Variants in TRIM49 observed in about 807,000 individuals in gnomAD.
TRIM49 encodes the protein tripartite motif-containing protein 49.
Under a neutral mutation model 27.4 loss-of-function variants are expected in TRIM49, and 5 were observed. That is an observed-to-expected ratio of 0.18 (90% CI 0.10 to 0.38). The LOEUF (loss-of-function observed/expected upper bound fraction) is 0.38. Among genes scored for constraint, TRIM49 ranks in the 10% least tolerant of loss-of-function variants. The pLI is 1.00. For synonymous variants in TRIM49, 69 were observed against 166.0 expected, an observed-to-expected ratio of 0.42 and a Z score of 4.49; for missense variants, 188 against 487.5, an observed-to-expected ratio of 0.39 and a Z score of 5.79.
At chr11:89,772,555 AT>A in the TRIM49 span, among the ~76,000 whole-genome samples, 1 of 129,014 alleles carries the variant, frequency 7.8e-6, no homozygotes. Flanking sequence ...TACCATGCTT[AT>A]TGATATTTTA....
At chr11:89,770,900 T>C in the TRIM49 span, among the ~76,000 whole-genome samples, 2 of 134,240 alleles carry the variant, frequency 1.5e-5, 1 homozygote, top group African/African-American at 6.3e-5. Context: ...AAATCAATTT[T>C]TGTCTATGAT....
the TRIM49 span, among the ~76,000 whole-genome samples, chr11:89,783,785 C>G: frequency 6.8e-6 from 1 of 146,026 alleles, no homozygotes; most frequent in African/African-American, 2.7e-5. Context: ...GGCTTACCTG[C>G]TCTAACAAAG....
At chr11:89,770,541 T>C in the TRIM49 span, among the ~76,000 whole-genome samples, 1 of 142,678 alleles carries the variant, frequency 7.0e-6, no homozygotes, top group Non-Finnish European at 1.5e-5. Flanking sequence ...TTCTATACTA[T>C]GTCTTTTCTG....
chr11:89,802,471 C>T (rs1949746006), intron 4 of TRIM49, among the ~76,000 whole-genome samples: 1 of 150,868 alleles, frequency 6.6e-6, no homozygotes, highest in South Asian at 2.1e-4. Context: ...CAGTCTGAAA[C>T]ATAGACTTCT....
downstream of TRIM49, among the ~76,000 whole-genome samples, chr11:89,797,439 C>T (rs1213568846): frequency 2.7e-5 from 4 of 146,538 alleles, no homozygotes; most frequent in Non-Finnish European, 6.0e-5. Flanking sequence ...TATCAGGTTC[C>T]CCTTCCTTTC....
chr11:89,803,599 T>C, intron 4 of TRIM49, 99 bp downstream of exon 4: 1 of 1,428,744 alleles, frequency 7.0e-7, no homozygotes, highest in Non-Finnish European at 9.4e-7. Flanking sequence ...TTTTACTGTA[T>C]CCCAGAAACA....
chr11:89,775,652 A>G, the TRIM49 span, among the ~76,000 whole-genome samples: 2 of 134,074 alleles, frequency 1.5e-5, no homozygotes, highest in Non-Finnish European at 3.0e-5. Flanking sequence ...AATATTGGCT[A>G]TTTCAGAATG....
At chr11:89,777,189 C>A in the TRIM49 span, 1 of 1,548,754 alleles carries the variant, frequency 6.5e-7, no homozygotes, top group African/African-American at 1.4e-5. Flanking sequence ...ATGTGGTACT[C>A]AAAAAGCTGT....
At chr11:89,787,537 C>T in the TRIM49 span, 2 of 632,508 alleles carry the variant, frequency 3.2e-6, no homozygotes, top group South Asian at 2.1e-5. Context: ...TGCCGGGGTC[C>T]TGGGGCTCTG....
chr11:89,782,042 A>G, the TRIM49 span: 1 of 1,528,720 alleles, frequency 6.5e-7, no homozygotes, highest in East Asian at 2.6e-5. Context: ...CACCTCCGGC[A>G]AGCATTACTG....
chr11:89,798,573 A>G lies in TRIM49; in HGVS notation c.916T>C (p.Leu306=), dbSNP rs1400950125. 9.0e-6 allele frequency: 14 copies of G among 1,553,820 alleles called. 1 individual carries two copies. Among genetic ancestry groups the G allele is most frequent in the Non-Finnish European group, 1.2e-5 (14 of 1,156,672 alleles). The change falls in exon 8 of 8, where the codon TTG becomes CTG. Residue 306 remains leucine (L), a synonymous_variant. Transcript: ENST00000329758. ...ANNDIFLYEI[L]RSMCIGCDHQ... is the part of the protein sequence containing the mutation. Reference sequence around the variant, plus strand: ...TCACATCCAATACACATGCTTCTCAAAATTTCATACAGAAAGATATCATTG... The same window carrying G: ...TCACATCCAATACACATGCTTCTCAGAATTTCATACAGAAAGATATCATTG...
In TRIM49 at chr11:89,804,334, T is replaced by C. The variant is rs1190898521; in HGVS notation, c.136A>G (p.Ile46Val). The C allele has an allele frequency of 6.2e-7, 1 of 1,611,600 alleles. No individual in the cohort carries two copies. Among genetic ancestry groups the C allele is most frequent in the Admixed American group, 1.7e-5 (1 of 59,944 alleles). The change falls in exon 3 of 8, where the codon ATC becomes GTC. Residue 46 changes from isoleucine (I) to valine (V), a missense_variant. Transcript: ENST00000329758. The stretch of plus-strand genomic sequence containing the variant: ...TCAGAGCACTGGACAAGAAATGGGA[T>C]GTCTTGCCAGTTGAGGTAGAAACAA... ...RPCFYLNWQDIPFLVQCSECT... is the reference protein window; with the variant it reads ...RPCFYLNWQDVPFLVQCSECT...
At chr11:89,773,942 A>G in the TRIM49 span, among the ~76,000 whole-genome samples, 6 of 136,268 alleles carry the variant, frequency 4.4e-5, 1 homozygote, top group East Asian at 1.0e-3. Flanking sequence ...GTCTCAAAAG[A>G]AAAAAAAAGT....
At chr11:89,807,532 A>G (rs1465808296) in intron 1 of TRIM49, among the ~76,000 whole-genome samples, 2 of 150,752 alleles carry the variant, frequency 1.3e-5, no homozygotes, top group Non-Finnish European at 3.0e-5. Flanking sequence ...TCCATGATAC[A>G]GGCATTCCTC....
At chr11:89,768,830 C>T in the TRIM49 span, 1 of 502,814 alleles carries the variant, frequency 2.0e-6, no homozygotes, top group Admixed American at 2.0e-5. Flanking sequence ...ACCATGTCTC[C>T]CAAATCCTGG....
At chr11:89,790,538 C>T in the TRIM49 span, among the ~76,000 whole-genome samples, 1 of 151,982 alleles carries the variant, frequency 6.6e-6, no homozygotes, top group Non-Finnish European at 1.5e-5. Context: ...CCACTTACTC[C>T]TCTGAGACGA....
the TRIM49 span, chr11:89,776,962 TTTTTTAA>T: frequency 6.6e-7 from 1 of 1,515,446 alleles, no homozygotes. Flanking sequence ...TCACTTTTTT[TTTTTTAA>T]TTTTCAGAAA....
chr11:89,782,090 G>A, the TRIM49 span: 13 of 1,549,772 alleles, frequency 8.4e-6, no homozygotes, highest in African/African-American at 4.1e-5. Context: ...CTGGATTCTG[G>A]GAGTCTGTCG....
downstream of TRIM49, among the ~76,000 whole-genome samples, chr11:89,796,832 T>C (rs1949693243): frequency 6.6e-6 from 1 of 152,030 alleles, no homozygotes; most frequent in Non-Finnish European, 1.5e-5. Context: ...GAAGAATATT[T>C]TGGGTCTAAT....
Sources: allele counts gnomAD v4.1 joint callset (sites outside exome capture counted in the v4.1 genomes callset), GRCh38; gene constraint gnomAD v4.1.1; transcripts MANE v1.5; gene names NCBI Gene and HGNC (gene_info 2026-07-23, HGNC 2026-07-21).